Variants in CNTN4 observed in about 807,000 individuals in gnomAD.
CNTN4 encodes the protein contactin-4.
A neutral mutation model predicts 122.5 loss-of-function variants in CNTN4; 77 were observed. The observed-to-expected ratio is 0.63, with a 90% confidence interval of 0.52 to 0.76. The LOEUF is 0.76. Among genes scored for constraint, CNTN4 ranks in the 30% least tolerant of loss-of-function variants. The probability of loss-of-function intolerance (pLI) is 0.00; values close to 1 mark genes in which losing one functional copy is unlikely to be tolerated. For missense variants in CNTN4, 1,256 were observed against 1,259.1 expected (o/e 1.00, Z 0.04); for synonymous variants, 512 against 447.0 (o/e 1.15, Z -1.83).
intron 4 of CNTN4, among the ~76,000 whole-genome samples, chr3:2,607,829 G>A (rs1440817364): frequency 6.6e-6 from 1 of 152,062 alleles, no homozygotes; most frequent in Non-Finnish European, 1.5e-5. Context: ...TTTTGATTAT[G>A]TAGGGTATCA....
chr3:2,571,292 T>C lies in CNTN4; in HGVS notation c.-88-124T>C, dbSNP rs112631550. ...ATATTCATAATTTAACATGTCCCTTTCTTCCCCTCCAATGGTACTTTCCCA... is the reference window on the plus strand; with the variant it reads ...ATATTCATAATTTAACATGTCCCTTCCTTCCCCTCCAATGGTACTTTCCCA... On this transcript the variant is annotated intron_variant, in intron 3 of 24. Coordinates refer to ENST00000418658, the MANE Select transcript of CNTN4 (RefSeq NM_175607.3). 735 of 606,260 alleles carry C rather than the reference T, an allele frequency of 1.2e-3. 11 individuals carry two copies. Among genetic ancestry groups the C allele is most frequent in the African/African-American group, 0.011 (578 of 53,966 alleles). The allele number at this position is 606,260 out of a possible 1,614,324, so 37.6% of individuals were successfully genotyped here.
chr3:2,846,692 C>G (rs1004381663), intron 7 of CNTN4, among the ~76,000 whole-genome samples: 1 of 152,096 alleles, frequency 6.6e-6, no homozygotes, highest in Non-Finnish European at 1.5e-5. Flanking sequence ...TGTACACTGC[C>G]AAGAATAACT....
intron 8 of CNTN4, among the ~76,000 whole-genome samples, chr3:2,872,896 G>T (rs1465155893): frequency 6.6e-6 from 1 of 152,088 alleles, no homozygotes; most frequent in East Asian, 1.9e-4. Flanking sequence ...AAATATAACT[G>T]AAATACCTGA....
intron 3 of CNTN4, among the ~76,000 whole-genome samples, chr3:2,423,734 T>A (rs2047699826): frequency 1.3e-5 from 2 of 152,076 alleles, no homozygotes; most frequent in South Asian, 4.1e-4. Flanking sequence ...CCAAAACTGA[T>A]TTTTTGCTCT....
intron 4 of CNTN4, chr3:2,629,553 T>TG (rs1487925855): frequency 2.2e-6 from 1 of 453,760 alleles, no homozygotes; most frequent in Non-Finnish European, 4.4e-6. Context: ...TGGTCCTTGC[T>TG]GGGGGTGCTG....
intron 21 of CNTN4, 81 bp from the exon 22 acceptor site, chr3:3,042,896 T>C: frequency 8.9e-7 from 1 of 1,128,602 alleles, no homozygotes; most frequent in Non-Finnish European, 1.3e-6. Context: ...ATCATAAGAA[T>C]CTGCGTACAA....
At chr3:2,449,784 C>T (rs545155733) in intron 3 of CNTN4, among the ~76,000 whole-genome samples, 123 of 152,072 alleles carry the variant, frequency 8.1e-4, no homozygotes, top group African/African-American at 2.8e-3. Flanking sequence ...TGAAATCTTG[C>T]TATTTATGAC....
Position 2,716,667 on chromosome 3 carries a change from A to T in CNTN4, c.56-19548A>T, listed in dbSNP as rs548887509. 1.2e-4 allele frequency among the ~76,000 whole-genome samples: 18 copies of T among 152,292 alleles called. No individual in the cohort carries two copies. The South Asian group carries it at 3.7e-3, about 32-fold the overall frequency. On this transcript the variant is annotated intron_variant, in intron 4 of 24. Transcript: ENST00000418658. ...CATTTTAGTAGTTTTAAAATGTATA[A>T]ATCAGTTCTTTTTAGCATATACACA...
intron 2 of CNTN4, among the ~76,000 whole-genome samples, chr3:2,264,470 T>C (rs2040962925): frequency 6.6e-6 from 1 of 152,090 alleles, no homozygotes; most frequent in Non-Finnish European, 1.5e-5. Context: ...ACATTATTGG[T>C]TTTTGCTATT....
intron 2 of CNTN4, among the ~76,000 whole-genome samples, chr3:2,102,228 G>A (rs1441460579): frequency 6.6e-6 from 1 of 152,204 alleles, no homozygotes; most frequent in Non-Finnish European, 1.5e-5. Context: ...GCAGTGTTGT[G>A]TGGAGGCTGG....
rs1348461489 is a variant in CNTN4, at chr3:2,326,515, CACACACACACACAA to C, written c.-144-12662_-144-12649del. ...ACACACACACACACACACACACACA[CACACACACACACAA>C]TCTTACTGATTCTGTTTCTCTGGAG... On this transcript the variant is annotated intron_variant, in intron 2 of 24. Transcript: ENST00000418658. Among the ~76,000 whole-genome samples, 12 of 141,004 alleles carry C rather than the reference CACACACACACACAA, an allele frequency of 8.5e-5. No individual in the cohort carries two copies. The East Asian group carries it at 2.0e-3, about 23-fold the overall frequency. The allele number at this position is 141,004 out of a possible 152,430, so 92.5% of individuals were successfully genotyped here.
At chr3:2,296,838 G>A (rs2042333659) in intron 2 of CNTN4, among the ~76,000 whole-genome samples, 1 of 151,064 alleles carries the variant, frequency 6.6e-6, no homozygotes, top group African/African-American at 2.4e-5. Flanking sequence ...TAGAAAATTG[G>A]ATTGTAACAG....
intron 12 of CNTN4, among the ~76,000 whole-genome samples, chr3:2,912,186 C>T (rs191743008): frequency 6.6e-6 from 1 of 152,252 alleles, no homozygotes; most frequent in African/African-American, 2.4e-5. Flanking sequence ...CTGAAAGCAG[C>T]AAGAGAAAAG....
intron 3 of CNTN4, among the ~76,000 whole-genome samples, chr3:2,544,323 T>C (rs1337163461): frequency 6.6e-6 from 1 of 152,070 alleles, no homozygotes; most frequent in African/African-American, 2.4e-5. Flanking sequence ...TCTGCAATCA[T>C]AAGCAGACTG....
At chr3:2,683,833 C>T (rs555582698) in intron 4 of CNTN4, among the ~76,000 whole-genome samples, 1 of 152,268 alleles carries the variant, frequency 6.6e-6, no homozygotes, top group African/African-American at 2.4e-5. Flanking sequence ...TCACCACCTG[C>T]CATAGAATCA....
rs372977176 is a variant in CNTN4, at chr3:2,668,624, A to G, written c.56-67591A>G. ...GATTGCCTTGGCCAGAACTTCCAACACTATGTTGAATAGGAGTGGTGAGAG... is the reference window on the plus strand; with the variant it reads ...GATTGCCTTGGCCAGAACTTCCAACGCTATGTTGAATAGGAGTGGTGAGAG... On this transcript the variant is annotated intron_variant, in intron 4 of 24. Transcript: ENST00000418658. 5.9e-5 allele frequency among the ~76,000 whole-genome samples: 9 copies of G among 152,246 alleles called. No homozygotes were observed. The East Asian group carries it at 1.2e-3, about 20-fold the overall frequency.
At chr3:2,246,767 A>T (rs1330324236) in intron 2 of CNTN4, among the ~76,000 whole-genome samples, 1 of 151,974 alleles carries the variant, frequency 6.6e-6, no homozygotes, top group Non-Finnish European at 1.5e-5. Flanking sequence ...ATGAGTTCCT[A>T]AAAGAGGCAT....
At chr3:2,458,031 C>T (rs184770994) in intron 3 of CNTN4, among the ~76,000 whole-genome samples, 97 of 152,224 alleles carry the variant, frequency 6.4e-4, no homozygotes, top group African/African-American at 2.2e-3. Context: ...TAATGTGTTC[C>T]GTCTGTGGAA....
intron 2 of CNTN4, among the ~76,000 whole-genome samples, chr3:2,247,343 A>G (rs767920679): frequency 2.0e-5 from 3 of 152,018 alleles, no homozygotes; most frequent in Non-Finnish European, 4.4e-5. Context: ...GAGCAGATCT[A>G]CTTTTCTGTG....
Sources: allele counts gnomAD v4.1 joint callset (sites outside exome capture counted in the v4.1 genomes callset), GRCh38; gene constraint gnomAD v4.1.1; transcripts MANE v1.5; gene names NCBI Gene and HGNC (gene_info 2026-07-23, HGNC 2026-07-21).